Variants in RGS12 observed in about 807,000 individuals in gnomAD.
RGS12 encodes regulator of G-protein signaling 12.
Under a neutral mutation model 120.1 loss-of-function variants are expected in RGS12, and 66 were observed. The ratio of observed to expected loss-of-function variants is 0.55; its 90% confidence interval spans 0.45 to 0.67. The LOEUF (loss-of-function observed/expected upper bound fraction) is 0.67. Ranked by LOEUF, RGS12 falls within the 30% of genes least tolerant of loss-of-function variation. RGS12 has a pLI of 0.00. For missense variants in RGS12, 1,859 were observed against 1,957.7 expected (o/e 0.95, Z 0.95); for synonymous variants, 827 against 804.7 (o/e 1.03, Z -0.47).
At chr4:3,293,008 C>G (rs948446642), upstream of RGS12, 3 of 149,928 alleles carry the variant, frequency 2.0e-5, no homozygotes, top group African/African-American at 7.3e-5. Flanking sequence ...TCGCCTCGAC[C>G]CCGGGGGGCG....
rs745405258 is a variant in RGS12, at chr4:3,414,864, G to T, written c.2283+20G>T. On this transcript the variant is annotated intron_variant, in intron 6 of 17. Transcript: ENST00000336727. ...AAGGAGGTAAGTCCACGCTTGGGAAGTGGGGGCTGTGTGAGAGTGGCGTGT... is the reference window on the plus strand; with the variant it reads ...AAGGAGGTAAGTCCACGCTTGGGAATTGGGGGCTGTGTGAGAGTGGCGTGT... 1.9e-6 allele frequency: 3 copies of T among 1,569,994 alleles called. No individual in the cohort carries two copies. The highest frequency in any genetic ancestry group is 1.7e-4 in the Middle Eastern group (1 of 5,970).
intron 1 of RGS12, among the ~76,000 whole-genome samples, chr4:3,297,637 T>C (rs577852714): frequency 6.6e-6 from 1 of 152,360 alleles, no homozygotes. Flanking sequence ...ATTAGCATCT[T>C]CTAGTCACCC....
In RGS12 at chr4:3,389,181, G is replaced by A. The variant is rs915881952; in HGVS notation, c.2020+2744G>A. On this transcript the variant is annotated intron_variant, in intron 4 of 17. Transcript: ENST00000336727. This position sits in a 1 kb window ranked among gnomAD's most constrained non-coding sequence, Gnocchi z 5.2. ...GGACTATGCTATTTTGGCAATCTTTGTCAAGTTGGAGTGTGTTTTTTCACT... is the reference window on the plus strand; with the variant it reads ...GGACTATGCTATTTTGGCAATCTTTATCAAGTTGGAGTGTGTTTTTTCACT... Among the ~76,000 whole-genome samples the A allele has an allele frequency of 1.3e-4, 20 of 152,110 alleles. No individual in the cohort carries two copies. Among genetic ancestry groups the A allele is most frequent in the Non-Finnish European group, 2.8e-4 (19 of 68,022 alleles).
intron 1 of RGS12, among the ~76,000 whole-genome samples, chr4:3,307,620 C>T (rs1477315682): frequency 1.3e-5 from 2 of 152,252 alleles, no homozygotes; most frequent in East Asian, 3.9e-4. Context: ...TCCCCTCACT[C>T]GGCAGGCGTG....
intron 3 of RGS12, among the ~76,000 whole-genome samples, chr4:3,380,630 C>G (rs1358058119): frequency 1.3e-5 from 2 of 152,206 alleles, no homozygotes; most frequent in South Asian, 4.1e-4. Flanking sequence ...TGCCCAATAC[C>G]ACATGTAAGC....
At chr4:3,355,630 AC>A (rs1332820182) in intron 3 of RGS12, among the ~76,000 whole-genome samples, 2 of 152,006 alleles carry the variant, frequency 1.3e-5, no homozygotes, top group African/African-American at 4.8e-5. Flanking sequence ...ACCTGTCTCT[AC>A]AAAAAATACA....
intron 3 of RGS12, among the ~76,000 whole-genome samples, chr4:3,384,826 A>G (rs1269040058): frequency 1.3e-5 from 2 of 152,204 alleles, no homozygotes; most frequent in Non-Finnish European, 2.9e-5. Flanking sequence ...GAGGATGCGC[A>G]TAGCTGGTGT....
intron 2 of RGS12, among the ~76,000 whole-genome samples, chr4:3,336,758 C>T (rs951972159): frequency 1.3e-5 from 2 of 152,088 alleles, no homozygotes; most frequent in Admixed American, 6.5e-5. Flanking sequence ...CATTAAAAAA[C>T]GCAACCCACA....
chr4:3,414,150 G>A lies in RGS12; in HGVS notation c.2099G>A (p.Ser700Asn). ...AATGCCAGCCTCCCCAGCGTGCAGA[G>A]CTGCCGGCGCCTGCGTGAGAGGAGG... ...SSNASLPSVQ[S>N]CRRLRERRVA... The change falls in exon 5 of 18, where the codon AGC becomes AAC. Residue 700 changes from serine to asparagine, a missense_variant. Ser to Asn is a conservative substitution (Grantham distance 46). Transcript: ENST00000336727. 1.3e-6 allele frequency: 2 copies of A among 1,562,758 alleles called. No individual in the cohort carries two copies. Among genetic ancestry groups the A allele is most frequent in the South Asian group, 1.2e-5 (1 of 85,890 alleles).
rs758846456 is a variant in RGS12, at chr4:3,428,701, C to T, written c.3555C>T (p.Asp1185=). 27 of 1,594,040 alleles carry T rather than the reference C, an allele frequency of 1.7e-5. No individual in the cohort carries two copies. The highest frequency in any genetic ancestry group is 2.2e-5 in the East Asian group (1 of 44,770). The change falls in exon 16 of 18, where the codon GAC becomes GAT. Residue 1185 remains aspartate, a synonymous_variant. Coordinates refer to ENST00000336727, the MANE Select transcript of RGS12 (RefSeq NM_001394154.1). ...AAAAATATCAGAAAATTAATTTGGACGAAGCAGAGGGTATGTGAACTTTTT... is the reference window on the plus strand; with the variant it reads ...AAAAATATCAGAAAATTAATTTGGATGAAGCAGAGGGTATGTGAACTTTTT... ...GKKKYQKINL[D]EAEEFFELIS... is the part of the protein sequence containing the mutation.
chr4:3,424,496 C>T (rs772579875), intron 13 of RGS12, among the ~76,000 whole-genome samples: 5 of 152,226 alleles, frequency 3.3e-5, no homozygotes, highest in Admixed American at 6.5e-5. Context: ...CCCAGGTGTG[C>T]CCCTCTGGCC....
intron 17 of RGS12, among the ~76,000 whole-genome samples, chr4:3,439,128 G>A (rs1255037978): frequency 1.3e-5 from 2 of 152,004 alleles, no homozygotes; most frequent in Non-Finnish European, 2.9e-5. Context: ...AATTAGGGGG[G>A]CAGTTGGGGC....
At chr4:3,418,445 C>T (rs1722645586) in intron 9 of RGS12, 1 of 152,296 alleles carries the variant, frequency 6.6e-6, no homozygotes, top group Admixed American at 6.5e-5. Flanking sequence ...TGGCACTTAG[C>T]CTGTGGTCTC....
In RGS12 at chr4:3,414,760, A is replaced by G. The variant is rs750719277; in HGVS notation, c.2199A>G (p.Leu733=). The G allele has an allele frequency of 1.9e-6, 3 of 1,605,440 alleles. No individual in the cohort carries two copies. In the East Asian group the frequency reaches 6.7e-5, roughly 36 times the overall value. ...GTCTTTGTCTTTCTTAGGATTTTCT[A>G]AGGAAAGAATTCAGTGAAGAAAACA... The part of the protein sequence containing the change: ...PVGVRYFSDF[L]RKEFSEENIL... The change falls in exon 6 of 18, where the codon CTA becomes CTG. Residue 733 remains leucine (L), a synonymous_variant. Transcript: ENST00000336727.
At chr4:3,417,707 T>G in intron 9 of RGS12, 166 bp downstream of exon 9, 4 of 692,294 alleles carry the variant, frequency 5.8e-6, no homozygotes, top group Non-Finnish European at 7.1e-6. Flanking sequence ...CCGCTGTGTC[T>G]GGGGACACGA....
chr4:3,436,029 G>T (rs978584310), intron 17 of RGS12, among the ~76,000 whole-genome samples: 1 of 151,920 alleles, frequency 6.6e-6, no homozygotes, highest in Non-Finnish European at 1.5e-5. Flanking sequence ...CCACTCCCTC[G>T]CCAATGCCCA....
chr4:3,388,419 T>C (rs2269496), intron 4 of RGS12, among the ~76,000 whole-genome samples: 12,840 of 152,310 alleles, frequency 0.084, 771 homozygotes, highest in East Asian at 0.29. Context: ...AATGTGCACA[T>C]GAGCTCTAGA....
chr4:3,356,323 A>T (rs1333606167), intron 3 of RGS12, among the ~76,000 whole-genome samples: 2 of 152,060 alleles, frequency 1.3e-5, no homozygotes, highest in Non-Finnish European at 2.9e-5. Context: ...CCAAAGTGCT[A>T]GGATTACAGG....
In RGS12 at chr4:3,428,176, C is replaced by CCCCACCCTGG. The variant is rs1723868900; in HGVS notation, c.3411+17_3411+26dup. On this transcript the variant is annotated splice_region_variant and intron_variant, in intron 15 of 17. Coordinates refer to ENST00000336727, the MANE Select transcript of RGS12 (RefSeq NM_001394154.1). The stretch of plus-strand genomic sequence containing the variant: ...CAGAAACCACTCGGCTACGGTAATT[C>CCCCACCCTGG]CCCACCCTGGCCCACCCTGTGCCCT... The CCCCACCCTGG allele has an allele frequency of 2.5e-6, 4 of 1,612,330 alleles. No homozygotes were observed. The African/African-American group carries it at 4.0e-5, about 16-fold the overall frequency.
Sources: gnomAD v4.1 joint callset for allele counts (sites outside exome capture counted in the v4.1 genomes callset) on GRCh38, gnomAD v4.1.1 for gene constraint, Gnocchi (gnomAD v3.1) non-coding constraint, MANE v1.5 for transcripts, NCBI Gene and HGNC (gene_info 2026-07-23, HGNC 2026-07-21) for gene names.